NTM: variants seen among roughly 807,000 people sequenced by gnomAD.
NTM encodes neurotrimin.
NTM carries 13 observed loss-of-function variants against 42.1 expected under a neutral mutation model. The observed-to-expected ratio is 0.31, with a 90% CI of 0.20 to 0.49. The LOEUF (loss-of-function observed/expected upper bound fraction) is 0.49. NTM is among the 20% of genes least tolerant of loss of function. The pLI, the probability that NTM is intolerant of heterozygous loss-of-function variation, is 0.99. For missense variants in NTM, 373 were observed against 452.8 expected, an observed-to-expected ratio of 0.82 and a Z score of 1.60; for synonymous variants, 187 against 179.2, an observed-to-expected ratio of 1.04 and a Z score of -0.35.
At chr11:131,957,105 C>T (rs528679478) in intron 2 of NTM, among the ~76,000 whole-genome samples, 7 of 152,232 alleles carry the variant, frequency 4.6e-5, no homozygotes, top group East Asian at 1.9e-4. Flanking sequence ...ATGTAAACTA[C>T]GAGGTGGCCA....
chr11:131,485,210 C>T (rs999507697), intron 1 of NTM, among the ~76,000 whole-genome samples: 5 of 152,194 alleles, frequency 3.3e-5, no homozygotes, highest in Admixed American at 6.5e-5. Flanking sequence ...CCAAGAGGCA[C>T]GTACCTTCCC....
chr11:131,881,481 C>CACACAT (rs752291368), intron 1 of NTM, among the ~76,000 whole-genome samples: 2 of 144,124 alleles, frequency 1.4e-5, no homozygotes, highest in African/African-American at 4.9e-5. Context: ...CTCAGTTACA[C>CACACAT]ACACACACAC....
chr11:132,171,487 T>G (rs756420726), intron 3 of NTM, among the ~76,000 whole-genome samples: 3 of 152,216 alleles, frequency 2.0e-5, no homozygotes, highest in Non-Finnish European at 4.4e-5. Context: ...GGTCTCTTTC[T>G]AGCCTTTTTT....
At chr11:131,784,416 GA>G (rs79978101) in intron 1 of NTM, among the ~76,000 whole-genome samples, 27,082 of 152,070 alleles carry the variant, frequency 0.18, 2,870 homozygotes, top group Admixed American at 0.33. Context: ...ATTGAGTAAT[GA>G]GTAATGAAAA....
intron 2 of NTM, among the ~76,000 whole-genome samples, chr11:131,958,301 C>T (rs2061771855): frequency 6.6e-6 from 1 of 152,070 alleles, no homozygotes; most frequent in African/African-American, 2.4e-5. Flanking sequence ...GGTATTTCCT[C>T]CCTCTCAGTG....
In NTM at chr11:131,701,903, A is replaced by G. The variant is rs182784340; in HGVS notation, c.83-209661A>G. 2.7e-3 allele frequency among the ~76,000 whole-genome samples: 411 copies of G among 152,310 alleles called. 1 individual carries two copies. Among genetic ancestry groups the G allele is most frequent in the African/African-American group, 9.2e-3 (383 of 41,580 alleles). ...TACCACCCTGGTTTTAAAAGTATCA[A>G]GTATTTCATGATGGCAATAGCAGAG... On this transcript the variant is annotated intron_variant, in intron 1 of 8. Transcript: ENST00000683400.
At chr11:132,175,656 C>T (rs1016606656) in intron 3 of NTM, among the ~76,000 whole-genome samples, 4 of 151,802 alleles carry the variant, frequency 2.6e-5, no homozygotes, top group African/African-American at 9.7e-5. Context: ...GGTGCAGTCT[C>T]GGCTCACTGC....
chr11:131,552,713 G>T (rs1328549751), intron 1 of NTM, among the ~76,000 whole-genome samples: 1 of 151,010 alleles, frequency 6.6e-6, no homozygotes, highest in Non-Finnish European at 1.5e-5. Flanking sequence ...AGCAACATAG[G>T]AGGCTGAGGC....
chr11:131,553,404 C>T (rs958626526), intron 1 of NTM, among the ~76,000 whole-genome samples: 14 of 152,168 alleles, frequency 9.2e-5, no homozygotes, highest in African/African-American at 2.9e-4. Flanking sequence ...TGACTTACCA[C>T]GCAGCTTCAC....
chr11:132,217,386 G>GTGTGTGTA (rs1555319497), intron 4 of NTM, among the ~76,000 whole-genome samples: 10 of 150,382 alleles, frequency 6.6e-5, no homozygotes, highest in Non-Finnish European at 1.2e-4. Context: ...GTGTGTGTGT[G>GTGTGTGTA]TGTGTATGTG....
intron 2 of NTM, among the ~76,000 whole-genome samples, chr11:131,922,720 G>C (rs1261929879): frequency 6.6e-6 from 1 of 152,080 alleles, no homozygotes; most frequent in Non-Finnish European, 1.5e-5. Context: ...TGTTCCCCTG[G>C]AGTTTATTAT....
chr11:131,939,504 A>G (rs1326663024), intron 2 of NTM, among the ~76,000 whole-genome samples: 1 of 152,152 alleles, frequency 6.6e-6, no homozygotes, highest in Non-Finnish European at 1.5e-5. Context: ...GACCCACATT[A>G]TCTAGTGCAT....
At chr11:131,378,330 G>T (rs1942231608) in intron 1 of NTM, among the ~76,000 whole-genome samples, 1 of 152,170 alleles carries the variant, frequency 6.6e-6, no homozygotes, top group Admixed American at 6.5e-5. Context: ...CTCATTCCAA[G>T]TTCAACATTT....
At chr11:131,652,142 C>A (rs973216651) in intron 1 of NTM, among the ~76,000 whole-genome samples, 1 of 152,112 alleles carries the variant, frequency 6.6e-6, no homozygotes, top group African/African-American at 2.4e-5. Context: ...ATATCCATGT[C>A]CTCTTGTGTA....
At chr11:132,084,005 A>G (rs2059398344) in intron 2 of NTM, among the ~76,000 whole-genome samples, 1 of 152,106 alleles carries the variant, frequency 6.6e-6, no homozygotes, top group Non-Finnish European at 1.5e-5. Context: ...AAAAAAGATT[A>G]CTTCAGTTTT....
chr11:131,445,372 T>C (rs1257690028), intron 1 of NTM, among the ~76,000 whole-genome samples: 1 of 152,218 alleles, frequency 6.6e-6, no homozygotes, highest in Non-Finnish European at 1.5e-5. Flanking sequence ...GGAAGCACAG[T>C]GCATCATCTG....
chr11:131,495,737 T>G (rs774424550), intron 1 of NTM, among the ~76,000 whole-genome samples: 1 of 152,210 alleles, frequency 6.6e-6, no homozygotes, highest in Non-Finnish European at 1.5e-5. Flanking sequence ...TGCTTCAAGC[T>G]GGGGAGGGGG....
intron 1 of NTM, among the ~76,000 whole-genome samples, chr11:131,676,409 G>A (rs191782201): frequency 1.3e-5 from 2 of 152,274 alleles, no homozygotes; most frequent in East Asian, 3.9e-4. Flanking sequence ...CTGCGTTGGA[G>A]TTTTTCTAGC....
At chr11:131,906,680 G>A (rs776752177) in intron 1 of NTM, among the ~76,000 whole-genome samples, 3 of 152,060 alleles carry the variant, frequency 2.0e-5, no homozygotes, top group East Asian at 1.9e-4. Context: ...GTCTACCTCC[G>A]ATTGTTCTAT....
Sources: allele counts gnomAD v4.1 joint callset (sites outside exome capture counted in the v4.1 genomes callset), GRCh38; gene constraint gnomAD v4.1.1; transcripts MANE v1.5; gene names NCBI Gene and HGNC (gene_info 2026-07-23, HGNC 2026-07-21).